MRAP2: variants seen among roughly 807,000 people sequenced by gnomAD.
The protein encoded by MRAP2 is melanocortin-2 receptor accessory protein 2.
MRAP2 carries 20 observed loss-of-function variants against 17.4 expected under a neutral mutation model. That is an observed-to-expected ratio of 1.15 (90% CI 0.81 to 1.67). MRAP2 has a LOEUF of 1.67. Ranked by LOEUF, MRAP2 falls within the 40% of genes most tolerant of loss-of-function variation. MRAP2 has a pLI of 0.00. For synonymous variants in MRAP2, 96 were observed against 88.4 expected, an observed-to-expected ratio of 1.09 and a Z score of -0.48; for missense variants, 238 against 240.0, an observed-to-expected ratio of 0.99 and a Z score of 0.05.
At chr6:84,126,488 T>C in the MRAP2 span, 3 of 1,554,664 alleles carry the variant, frequency 1.9e-6, no homozygotes, top group East Asian at 4.7e-5. Flanking sequence ...TTGGCTTCTC[T>C]CAATTCTTCT....
intron 1 of MRAP2, among the ~76,000 whole-genome samples, chr6:84,043,283 G>A (rs1278872835): frequency 6.6e-6 from 1 of 152,208 alleles, no homozygotes; most frequent in Non-Finnish European, 1.5e-5. Context: ...TCAGTGAGAG[G>A]CCAAGTCTAG....
At chr6:84,138,226 C>T in the MRAP2 span, among the ~76,000 whole-genome samples, 1 of 152,154 alleles carries the variant, frequency 6.6e-6, no homozygotes, top group Non-Finnish European at 1.5e-5. Context: ...CTTTAAATAA[C>T]TAGAAAACAG....
intron 2 of MRAP2, among the ~76,000 whole-genome samples, chr6:84,059,198 G>T (rs1225787639): frequency 6.6e-6 from 1 of 152,204 alleles, no homozygotes; most frequent in Non-Finnish European, 1.5e-5. Flanking sequence ...TGAGCTATCA[G>T]TGGTGGCCAA....
chr6:84,096,804 C>A, the MRAP2 span, among the ~76,000 whole-genome samples: 2 of 152,212 alleles, frequency 1.3e-5, no homozygotes, highest in African/African-American at 4.8e-5. Context: ...TGCCCCAAGC[C>A]AGTCAGGGTA....
At chr6:84,048,693 G>C (rs2099489646) in intron 1 of MRAP2, among the ~76,000 whole-genome samples, 2 of 152,182 alleles carry the variant, frequency 1.3e-5, no homozygotes, top group African/African-American at 2.4e-5. Context: ...TGGAGCATTA[G>C]GGTCCTGTTT....
chr6:84,042,326 C>T (rs916847221), intron 1 of MRAP2, among the ~76,000 whole-genome samples: 1 of 152,066 alleles, frequency 6.6e-6, no homozygotes, highest in South Asian at 2.1e-4. Flanking sequence ...TCTTTATTAG[C>T]AGTATGAGAA....
downstream of MRAP2, among the ~76,000 whole-genome samples, chr6:84,092,605 G>C (rs527464080): frequency 6.6e-6 from 1 of 152,080 alleles, no homozygotes; most frequent in Non-Finnish European, 1.5e-5. Context: ...TGATGTGACC[G>C]ACATAAGATA....
At chr6:84,056,328 C>T (rs1245194354) in intron 2 of MRAP2, among the ~76,000 whole-genome samples, 1 of 152,198 alleles carries the variant, frequency 6.6e-6, no homozygotes, top group African/African-American at 2.4e-5. Flanking sequence ...TATTTCCTGG[C>T]TGCTTCTATC....
chr6:84,096,429 A>G, the MRAP2 span, among the ~76,000 whole-genome samples: 2 of 152,210 alleles, frequency 1.3e-5, no homozygotes, highest in Admixed American at 1.3e-4. Context: ...TGTCAAGTGT[A>G]AGTGTAGTAC....
At chr6:84,131,432 T>A in the MRAP2 span, among the ~76,000 whole-genome samples, 2 of 152,314 alleles carry the variant, frequency 1.3e-5, no homozygotes, top group East Asian at 3.9e-4. Flanking sequence ...ATCTGTCTAA[T>A]GTTGACAGTG....
At chr6:84,052,453 T>G (rs1038562962) in intron 1 of MRAP2, among the ~76,000 whole-genome samples, 2 of 152,160 alleles carry the variant, frequency 1.3e-5, no homozygotes, top group African/African-American at 2.4e-5. Context: ...TTGCTGGGCT[T>G]GGTAATGGGG....
intron 1 of MRAP2, among the ~76,000 whole-genome samples, chr6:84,043,170 G>T (rs956987591): frequency 2.6e-5 from 4 of 152,136 alleles, no homozygotes; most frequent in Admixed American, 6.5e-5. Context: ...TGATTCCCTG[G>T]TATTCTTAAA....
the MRAP2 span, among the ~76,000 whole-genome samples, chr6:84,101,730 G>A: frequency 1.3e-5 from 2 of 152,016 alleles, no homozygotes; most frequent in Non-Finnish European, 1.5e-5. Flanking sequence ...CTTGATTAGT[G>A]GTTAAAGAAA....
intron 3 of MRAP2, among the ~76,000 whole-genome samples, chr6:84,079,431 G>A (rs1371057736): frequency 6.6e-6 from 1 of 152,154 alleles, no homozygotes; most frequent in Non-Finnish European, 1.5e-5. Context: ...TGGAATGAAG[G>A]AAATAAATGT....
intron 1 of MRAP2, among the ~76,000 whole-genome samples, chr6:84,034,767 C>T (rs902392601): frequency 6.6e-6 from 1 of 152,084 alleles, no homozygotes; most frequent in Admixed American, 6.5e-5. Flanking sequence ...TTAATTCTTA[C>T]GAAAACCCCA....
the MRAP2 span, among the ~76,000 whole-genome samples, chr6:84,130,623 A>G: frequency 2.0e-5 from 3 of 152,132 alleles, no homozygotes; most frequent in African/African-American, 7.2e-5. Context: ...CATTTCTTCT[A>G]GATTTTCTAG....
chr6:84,075,620 AG>A (rs1265348700), intron 3 of MRAP2, among the ~76,000 whole-genome samples: 2 of 152,258 alleles, frequency 1.3e-5, no homozygotes, highest in South Asian at 2.1e-4. Flanking sequence ...TAATGGGAAA[AG>A]CTTGGGTCAC....
At chr6:84,113,053 G>A in the MRAP2 span, among the ~76,000 whole-genome samples, 11 of 152,166 alleles carry the variant, frequency 7.2e-5, no homozygotes, top group African/African-American at 2.7e-4. Context: ...ATGTGGTGCT[G>A]AGAAGAATGT....
chr6:84,096,120 C>T, the MRAP2 span, among the ~76,000 whole-genome samples: 12 of 152,086 alleles, frequency 7.9e-5, no homozygotes, highest in Non-Finnish European at 1.6e-4. Flanking sequence ...TCATGTTTTG[C>T]CTCTTTATCC....
Sources: allele counts gnomAD v4.1 joint callset (sites outside exome capture counted in the v4.1 genomes callset), GRCh38; gene constraint gnomAD v4.1.1; transcripts MANE v1.5; gene names NCBI Gene and HGNC (gene_info 2026-07-23, HGNC 2026-07-21).